USH2A: variants seen among roughly 807,000 people sequenced by gnomAD.
The protein encoded by USH2A is Usher syndrome 2A (autosomal recessive, mild).
Under a neutral mutation model 538.9 loss-of-function variants are expected in USH2A, and 443 were observed. That is an observed-to-expected ratio of 0.82 (90% CI 0.76 to 0.89). The LOEUF is 0.89. Among genes scored for constraint, USH2A ranks in the 40% least tolerant of loss-of-function variants. USH2A has a pLI of 0.00. For synonymous variants in USH2A, 2,413 were observed against 2,273.5 expected (o/e 1.06, Z -1.75); for missense variants, 6,633 against 6,324.8 (o/e 1.05, Z -1.65).
intron 34 of USH2A, among the ~76,000 whole-genome samples, chr1:215,995,836 T>C (rs1404473889): frequency 6.6e-6 from 1 of 152,176 alleles, no homozygotes; most frequent in Non-Finnish European, 1.5e-5. Flanking sequence ...TTTGGTACAA[T>C]AAAATGCATA....
intron 61 of USH2A, among the ~76,000 whole-genome samples, chr1:215,704,474 A>G (rs528971089): frequency 6.6e-6 from 1 of 152,218 alleles, no homozygotes; most frequent in Non-Finnish European, 1.5e-5. Flanking sequence ...AGTCAAGTGC[A>G]AGAATCAAGC....
chr1:216,125,405 AC>A (rs1214472190), intron 21 of USH2A, among the ~76,000 whole-genome samples: 1 of 152,178 alleles, frequency 6.6e-6, no homozygotes, highest in African/African-American at 2.4e-5. Context: ...TTCTAGACAT[AC>A]ACTGTTAGTA....
chr1:215,853,738 A>G (rs1021959148), intron 44 of USH2A, among the ~76,000 whole-genome samples: 2 of 152,214 alleles, frequency 1.3e-5, no homozygotes, highest in Non-Finnish European at 2.9e-5. Flanking sequence ...TCTCTAGGGC[A>G]GGGGCAAAAT....
At chr1:216,115,170 T>C (rs999631707) in intron 21 of USH2A, among the ~76,000 whole-genome samples, 1 of 152,060 alleles carries the variant, frequency 6.6e-6, no homozygotes, top group African/African-American at 2.4e-5. Flanking sequence ...TCTTTCTCTG[T>C]TGTAAGGCTT....
intron 58 of USH2A, among the ~76,000 whole-genome samples, chr1:215,746,909 G>A (rs1047181689): frequency 6.6e-6 from 1 of 152,130 alleles, no homozygotes; most frequent in African/African-American, 2.4e-5. Flanking sequence ...TTTGAGGAAG[G>A]GGAACCAGCA....
At chr1:215,881,839 G>GT (rs1339207992) in intron 41 of USH2A, among the ~76,000 whole-genome samples, 4 of 151,954 alleles carry the variant, frequency 2.6e-5, no homozygotes, top group Non-Finnish European at 5.9e-5. Flanking sequence ...TCTGTTTATT[G>GT]TAAGTCTTCA....
chr1:215,868,191 T>C (rs1367671730), intron 43 of USH2A, among the ~76,000 whole-genome samples: 7 of 152,172 alleles, frequency 4.6e-5, no homozygotes, highest in Non-Finnish European at 8.8e-5. Flanking sequence ...AATCTCTGAT[T>C]TGACGATGCA....
At chr1:215,915,920 A>G (rs184077750) in intron 38 of USH2A, among the ~76,000 whole-genome samples, 19 of 151,880 alleles carry the variant, frequency 1.3e-4, no homozygotes, top group Non-Finnish European at 2.8e-4. Flanking sequence ...CATCATTCTC[A>G]ATAAACTATC....
chr1:215,775,600 A>G (rs1292868268), intron 55 of USH2A, among the ~76,000 whole-genome samples: 1 of 152,234 alleles, frequency 6.6e-6, no homozygotes, highest in Non-Finnish European at 1.5e-5. Context: ...ATAAAATGTG[A>G]TAATTACTAC....
intron 9 of USH2A, among the ~76,000 whole-genome samples, chr1:216,310,567 A>G (rs941446881): frequency 6.6e-6 from 1 of 152,052 alleles, no homozygotes; most frequent in East Asian, 1.9e-4. Flanking sequence ...ATATTTTCAA[A>G]TATTCTGTCT....
rs148544444 is a variant in USH2A, at chr1:215,687,235, T to C, written c.12067-6859A>G. ...TGGATTAGGCAGGGGACAATTGTTA[T>C]AACAATTGTAAATTTCAAACTTAAA... On this transcript the variant is annotated intron_variant, in intron 61 of 71. Transcript: ENST00000307340. 3.6e-3 allele frequency among the ~76,000 whole-genome samples: 553 copies of C among 152,260 alleles called. 2 individuals carry two copies. The highest frequency in any genetic ancestry group is 6.4e-3 in the Admixed American group (98 of 15,292).
chr1:215,894,892 T>C (rs1665290564), intron 40 of USH2A, among the ~76,000 whole-genome samples: 1 of 152,182 alleles, frequency 6.6e-6, no homozygotes, highest in African/African-American at 2.4e-5. Flanking sequence ...CAAGTGGAGA[T>C]GGTGTAAATT....
chr1:215,894,772 C>T (rs1424905074), intron 40 of USH2A, among the ~76,000 whole-genome samples: 2 of 152,136 alleles, frequency 1.3e-5, no homozygotes, highest in African/African-American at 4.8e-5. Context: ...CCACCCTCCT[C>T]GCCTCATACT....
chr1:215,692,883 AT>A (rs1287083684), intron 61 of USH2A, among the ~76,000 whole-genome samples: 1 of 151,590 alleles, frequency 6.6e-6, no homozygotes, highest in Non-Finnish European at 1.5e-5. Flanking sequence ...AACAAAAGTT[AT>A]TTATTTACCA....
At chr1:215,883,999 G>A (rs570547033) in intron 41 of USH2A, among the ~76,000 whole-genome samples, 11 of 152,114 alleles carry the variant, frequency 7.2e-5, no homozygotes, top group Middle Eastern at 3.4e-3. Flanking sequence ...GTTCCCACTC[G>A]TAAGTGGGAG....
At position 215,640,626 on chromosome 1, in the gene USH2A, G is replaced by T; in HGVS notation, c.14900C>A (p.Thr4967Asn). ...GCTGTACACGCGTCGCCCTCCGTCG[G>T]TTAACACGTACTCCTTCAGTTGGCC... ...LNGQLKEYVL[T>N]DGGRRVYSGL... The change falls in exon 68 of 72, where the codon ACC (threonine) becomes AAC (asparagine). Residue 4967 changes from threonine (T) to asparagine (N), a missense_variant. Transcript: ENST00000307340. 1 of 1,613,910 alleles carries T rather than the reference G, an allele frequency of 6.2e-7. No homozygotes were observed. The highest frequency in any genetic ancestry group is 8.5e-7 in the Non-Finnish European group (1 of 1,179,990).
chr1:216,322,666 T>A (rs182607544), intron 8 of USH2A, among the ~76,000 whole-genome samples: 1 of 151,822 alleles, frequency 6.6e-6, no homozygotes, highest in East Asian at 1.9e-4. Context: ...CAGAATGCAG[T>A]TAACATATTT....
At chr1:215,670,503 T>C (rs2102660703) in intron 64 of USH2A, among the ~76,000 whole-genome samples, 1 of 152,334 alleles carries the variant, frequency 6.6e-6, no homozygotes, top group African/African-American at 2.4e-5. Context: ...CAGAGAAAAC[T>C]TAACTCATCG....
At chr1:216,128,268 AT>A (rs1189919993) in intron 21 of USH2A, among the ~76,000 whole-genome samples, 3 of 152,114 alleles carry the variant, frequency 2.0e-5, no homozygotes, top group African/African-American at 7.2e-5. Flanking sequence ...ACTAAAAACA[AT>A]GTGTAATTTA....
Sources: gnomAD v4.1 joint callset for allele counts (sites outside exome capture counted in the v4.1 genomes callset) on GRCh38, gnomAD v4.1.1 for gene constraint, MANE v1.5 for transcripts, NCBI Gene and HGNC (gene_info 2026-07-23, HGNC 2026-07-21) for gene names.